TAF3: variants seen among roughly 807,000 people sequenced by gnomAD.
The protein encoded by TAF3 is TATA-box binding protein associated factor 3, also known as transcription initiation factor TFIID subunit 3.
TAF3 carries 7 observed loss-of-function variants against 80.6 expected under a neutral mutation model. That is an observed-to-expected ratio of 0.09 (90% CI 0.05 to 0.16). The LOEUF (loss-of-function observed/expected upper bound fraction) is 0.16. Among genes scored for constraint, TAF3 ranks in the 10% least tolerant of loss-of-function variants. TAF3 has a pLI of 1.00. For missense variants in TAF3, 921 were observed against 1,140.2 expected (o/e 0.81, Z 2.77); for synonymous variants, 444 against 446.1 (o/e 1.00, Z 0.06).
chr10:7,965,126 A>G lies in TAF3; in HGVS notation c.1616A>G (p.Gln539Arg). The change falls in exon 3 of 7, where the codon CAG (glutamine) becomes CGG (arginine). Residue 539 changes from glutamine to arginine, a missense_variant. Around this residue, in one of 6 missense-constraint regions of TAF3, gnomAD observed 743 missense variants for 821.0 expected, o/e 0.90. Transcript: ENST00000344293. ...LKTKMKKKEK[Q>R]RDREREKDKN... is the part of the protein sequence containing the mutation. ...ACTAAAATGAAAAAGAAAGAAAAGC[A>G]GAGAGATAGGGAGAGGGAAAAAGAC... The G allele has an allele frequency of 2.5e-6, 4 of 1,613,688 alleles. No individual in the cohort carries two copies. Among genetic ancestry groups the G allele is most frequent in the Admixed American group, 1.7e-5 (1 of 59,928 alleles).
chr10:7,919,700 T>C (rs1013478125), intron 2 of TAF3, among the ~76,000 whole-genome samples: 1 of 152,202 alleles, frequency 6.6e-6, no homozygotes, highest in Non-Finnish European at 1.5e-5. Flanking sequence ...AGATTATTTA[T>C]AACAGCTAAT....
At chr10:7,960,600 A>G (rs1186526846) in intron 2 of TAF3, among the ~76,000 whole-genome samples, 2 of 152,198 alleles carry the variant, frequency 1.3e-5, no homozygotes, top group African/African-American at 2.4e-5. Flanking sequence ...GTGTGACCAC[A>G]TATTTGGGGA....
chr10:7,838,380 T>TGTC, intron 2 of TAF3, among the ~76,000 whole-genome samples: 1 of 100,678 alleles, frequency 9.9e-6, no homozygotes, highest in African/African-American at 3.5e-5. Context: ...TTGTTGTTGT[T>TGTC]TGTTTGTTTG....
chr10:7,863,736 C>CAT (rs1184012319), intron 2 of TAF3, among the ~76,000 whole-genome samples: 7 of 133,950 alleles, frequency 5.2e-5, no homozygotes, highest in South Asian at 2.4e-4. Context: ...TATATATACA[C>CAT]ATATATATAT....
intron 2 of TAF3, among the ~76,000 whole-genome samples, chr10:7,913,038 T>C (rs1033810773): frequency 6.6e-6 from 1 of 152,150 alleles, no homozygotes; most frequent in Non-Finnish European, 1.5e-5. Context: ...ACCTCTTTCC[T>C]CGGCTTGCAG....
At chr10:7,975,518 T>C (rs941356305) in intron 3 of TAF3, among the ~76,000 whole-genome samples, 1 of 152,178 alleles carries the variant, frequency 6.6e-6, no homozygotes, top group African/African-American at 2.4e-5. Flanking sequence ...AAAATGTTCT[T>C]TGGCATCACT....
intron 2 of TAF3, among the ~76,000 whole-genome samples, chr10:7,876,415 A>T (rs1837312372): frequency 6.6e-6 from 1 of 152,208 alleles, no homozygotes; most frequent in Non-Finnish European, 1.5e-5. Flanking sequence ...GAAATGGGCC[A>T]TAAGCAGGTA....
At chr10:7,955,689 A>G (rs1031847406) in intron 2 of TAF3, among the ~76,000 whole-genome samples, 11 of 152,238 alleles carry the variant, frequency 7.2e-5, no homozygotes, top group African/African-American at 2.4e-4. Context: ...TTCTAAGTCA[A>G]TATTTATAGT....
intron 2 of TAF3, among the ~76,000 whole-genome samples, chr10:7,902,910 GT>G (rs966115950): frequency 6.7e-5 from 10 of 148,366 alleles, no homozygotes; most frequent in Non-Finnish European, 1.1e-4. Flanking sequence ...ATAGACTCAG[GT>G]TTTTTTTTTA....
chr10:7,827,182 C>G (rs933964436), intron 2 of TAF3, among the ~76,000 whole-genome samples: 1 of 152,170 alleles, frequency 6.6e-6, no homozygotes, highest in Admixed American at 6.5e-5. Context: ...CAGCGTGGAC[C>G]TCACGGCATC....
rs1215718553 is a variant in TAF3 at position 7,850,770 on chromosome 10, T to A, written c.409+26210T>A. 2.6e-5 allele frequency among the ~76,000 whole-genome samples: 4 copies of A among 152,210 alleles called. No individual in the cohort carries two copies. In the East Asian group the frequency reaches 7.7e-4, roughly 29 times the overall value. On this transcript the variant is annotated intron_variant, in intron 2 of 6. Transcript: ENST00000344293. ...ATCAGCCTCACAATACATATTCTAA[T>A]ATTTAAGAGAGAAAAGTTTAGCTTT...
At chr10:7,856,853 G>C (rs1408283685) in intron 2 of TAF3, among the ~76,000 whole-genome samples, 1 of 98,980 alleles carries the variant, frequency 1.0e-5, no homozygotes, top group Non-Finnish European at 1.9e-5. Context: ...TTAACAGCTG[G>C]TTCTCAAAAA....
chr10:7,855,266 A>C (rs1280825402), intron 2 of TAF3, among the ~76,000 whole-genome samples: 1 of 152,166 alleles, frequency 6.6e-6, no homozygotes, highest in Non-Finnish European at 1.5e-5. Flanking sequence ...AAATGGATAC[A>C]TGGATTTCCT....
Position 7,985,196 on chromosome 10 carries a change from C to T in TAF3, c.2315+7873C>T, listed in dbSNP as rs116158436. Among the ~76,000 whole-genome samples the T allele has an allele frequency of 4.0e-3, 608 of 152,308 alleles. 5 individuals carry two copies. Among genetic ancestry groups the T allele is most frequent in the African/African-American group, 0.014 (588 of 41,564 alleles). On this transcript the variant is annotated intron_variant, in intron 4 of 6. Transcript: ENST00000344293. ...CAAGTCTCAGCATGTGGAACTGCCT[C>T]GCCATGTTACCCCAGCTGATTAGAC...
At chr10:7,942,653 G>T (rs1341066606) in intron 2 of TAF3, among the ~76,000 whole-genome samples, 1 of 152,152 alleles carries the variant, frequency 6.6e-6, no homozygotes, top group Non-Finnish European at 1.5e-5. Flanking sequence ...CTCTTGTTAG[G>T]GGTTGCAAAC....
chr10:7,927,438 G>C (rs1837826310), intron 2 of TAF3, among the ~76,000 whole-genome samples: 1 of 152,208 alleles, frequency 6.6e-6, no homozygotes, highest in Non-Finnish European at 1.5e-5. Context: ...GCTTGAAAAT[G>C]TGGAAGAGAA....
At chr10:8,007,951 G>A (rs1832012785) in intron 4 of TAF3, among the ~76,000 whole-genome samples, 1 of 152,046 alleles carries the variant, frequency 6.6e-6, no homozygotes, top group Non-Finnish European at 1.5e-5. Context: ...TTCCACTGGC[G>A]AGAGTTGTGT....
intron 2 of TAF3, among the ~76,000 whole-genome samples, chr10:7,911,356 T>TA (rs1837655493): frequency 6.6e-6 from 1 of 152,208 alleles, no homozygotes. Flanking sequence ...TAAGAGAAAA[T>TA]ACTTAAGTTA....
chr10:7,930,959 T>C (rs1039086410), intron 2 of TAF3, among the ~76,000 whole-genome samples: 1 of 152,194 alleles, frequency 6.6e-6, no homozygotes, highest in African/African-American at 2.4e-5. Flanking sequence ...CAGAATTGTT[T>C]CTACCAAATC....
Sources: gnomAD v4.1 joint callset for allele counts (sites outside exome capture counted in the v4.1 genomes callset) on GRCh38, gnomAD v4.1.1 for gene constraint, gnomAD v4.1.1 regional missense constraint, MANE v1.5 for transcripts, NCBI Gene and HGNC (gene_info 2026-07-23, HGNC 2026-07-21) for gene names.